The following BORCS8 variants were observed in gnomAD, a reference collection of about 807,000 sequenced individuals.
BORCS8 encodes the protein BLOC-1-related complex subunit 8.
BORCS8 carries 13 observed loss-of-function variants against 18.7 expected under a neutral mutation model. The observed-to-expected ratio is 0.70, with a 90% confidence interval of 0.45 to 1.11. BORCS8 has a LOEUF of 1.11. Ranked by LOEUF, BORCS8 falls within the 50% of genes least tolerant of loss-of-function variation. The probability of loss-of-function intolerance (pLI) is 0.00; values close to 1 mark genes in which losing one functional copy is unlikely to be tolerated. For synonymous variants in BORCS8, 68 were observed against 64.8 expected (o/e 1.05, Z -0.24); for missense variants, 165 against 165.7 (o/e 1.00, Z 0.02).
rs544868143 is a variant in BORCS8 at position 19,185,350 on chromosome 19, G to A, written c.215+684C>T. On this transcript the variant is annotated intron_variant, in intron 3 of 5. Transcript: ENST00000462790. ...GAATAAGGCTTGGGAATACAGTCAC[G>A]AGGAATGGAACCAAAGCACAGGAGG... Among the ~76,000 whole-genome samples, 6 of 152,282 alleles carry A rather than the reference G, an allele frequency of 3.9e-5. No homozygotes were observed. The South Asian group carries it at 8.3e-4, about 21-fold the overall frequency.
rs1230212162 is a variant in BORCS8 at position 19,186,047 on chromosome 19, CCA to C, written c.200_201del (p.Val67GlyfsTer76). 21 of 1,551,032 alleles carry C rather than the reference CCA, an allele frequency of 1.4e-5. No homozygotes were observed. Among genetic ancestry groups the C allele is most frequent in the Non-Finnish European group, 1.7e-5 (20 of 1,146,982 alleles). ...EEQSQGAIYT[V>X]EYACSAVKNL... ...TGTGGCGCTCACCTGCAGGCGTACT[CCA>C]CAGTGTAGATGGCTCCCTGGCTCTG... On this transcript the variant is annotated frameshift_variant, in exon 3 of 6. Transcript: ENST00000462790. LOFTEE classifies it high-confidence loss of function.
Position 19,177,703 on chromosome 19 carries a change from GAAAAGAAAAGAAAA to G in BORCS8, c.*43-257_*43-244del, listed in dbSNP as rs2060311819. 3 of 62,312 alleles carry G rather than the reference GAAAAGAAAAGAAAA, an allele frequency of 4.8e-5. No individual in the cohort carries two copies. The Admixed American group carries it at 6.2e-4, about 13-fold the overall frequency. 3.9% of individuals were successfully genotyped at this position (62,312 alleles called of 1,614,324 possible). A position where few individuals can be genotyped will look rare whatever the true frequency, so the allele number is the denominator to read the frequency against. On this transcript the variant is annotated intron_variant, in intron 5 of 5. Transcript: ENST00000462790. ...AAGGAAGGAAGGAAGGAAGAGAAAA[GAAAAGAAAAGAAAA>G]GAAAAGAAAAGAAAAGAAAAGAAAA... is the stretch of plus-strand genomic sequence containing the variant.
intron 1 of BORCS8, among the ~76,000 whole-genome samples, chr19:19,187,290 T>A (rs12981160): frequency 0.49 from 74,896 of 151,686 alleles, 18,717 homozygotes; most frequent in East Asian, 0.57. Context: ...AGCCAGGCCA[T>A]CATGGTAAAA....
chr19:19,181,654 CAA>C (rs1476668422), intron 4 of BORCS8, among the ~76,000 whole-genome samples: 1 of 152,332 alleles, frequency 6.6e-6, no homozygotes, highest in South Asian at 2.1e-4. Context: ...TCTTCAGATG[CAA>C]GAGAGCCCAG....
Position 19,182,644 on chromosome 19 carries a change from G to A in BORCS8, c.255C>T (p.Arg85=). 6.4e-7 allele frequency: 1 copy of A among 1,551,292 alleles called. No homozygotes were observed. The highest frequency in any genetic ancestry group is 8.7e-7 in the Non-Finnish European group (1 of 1,146,934). The change falls in exon 4 of 6, where the codon CGC becomes CGT. Residue 85 remains arginine, a synonymous_variant. Transcript: ENST00000462790. The surrounding 1 kb of genome is among the most constrained non-coding windows in gnomAD (Gnocchi z 4.1). ...CCTGTTTGAGCAGACCCTCCACGCT[G>A]CGGAAGTAGACGCTGCTGTCCACCA... is the stretch of plus-strand genomic sequence containing the variant. The part of the protein sequence containing the change: ...KNLVDSSVYF[R]SVEGLLKQAI...
In BORCS8 at chr19:19,182,278, T is replaced by C; in HGVS notation, c.326+295A>G. 3.3e-6 allele frequency: 2 copies of C among 600,482 alleles called. No homozygotes were observed. Among genetic ancestry groups the C allele is most frequent in the Non-Finnish European group, 4.7e-6 (2 of 425,892 alleles). 37.2% of individuals were successfully genotyped at this position (600,482 alleles called of 1,614,324 possible). Reference sequence around the variant, plus strand: ...CTTCACAGCGCATCTGACATGCTCTTGTCTGCCATGTTTACCTGGTTGTCG... The same window carrying C: ...CTTCACAGCGCATCTGACATGCTCTCGTCTGCCATGTTTACCTGGTTGTCG... On this transcript the variant is annotated intron_variant, in intron 4 of 5. Transcript: ENST00000462790. The surrounding 1 kb of genome is among the most constrained non-coding windows in gnomAD (Gnocchi z 4.1).
chr19:19,187,578 C>T (rs2060422787), intron 1 of BORCS8, among the ~76,000 whole-genome samples: 1 of 147,592 alleles, frequency 6.8e-6, no homozygotes. Flanking sequence ...CTTGCTCTGT[C>T]ATCAGGCTGG....
In BORCS8 at chr19:19,180,773, C is replaced by T. The variant is rs924086748; in HGVS notation, c.327-12G>A. 3.9e-6 allele frequency: 6 copies of T among 1,543,534 alleles called. No homozygotes were observed. The African/African-American group carries it at 4.1e-5, about 11-fold the overall frequency. On this transcript the variant is annotated splice_polypyrimidine_tract_variant and intron_variant, in intron 4 of 5. Transcript: ENST00000462790. ...GTGGTTCCTCCGGGCTGCAACAAAACATGTGCAGCATCCATGAGGCCAAGG... is the reference window on the plus strand; with the variant it reads ...GTGGTTCCTCCGGGCTGCAACAAAATATGTGCAGCATCCATGAGGCCAAGG...
intron 5 of BORCS8, chr19:19,177,698 GAAAAGAAAAGAA>G (rs1568562068): frequency 0.06 from 2,366 of 39,214 alleles, 97 homozygotes; most frequent in Middle Eastern, 0.097. Context: ...GGAAGGAAGA[GAAAAGAAAAGAA>G]AAGAAAAGAA....
At chr19:19,189,432 C>T (rs994161256) in intron 1 of BORCS8, among the ~76,000 whole-genome samples, 11 of 152,290 alleles carry the variant, frequency 7.2e-5, no homozygotes, top group African/African-American at 2.2e-4. Context: ...CATCTATTCC[C>T]ACCCTTGCTT....
intron 1 of BORCS8, among the ~76,000 whole-genome samples, chr19:19,191,489 C>T (rs1310383153): frequency 7.5e-6 from 1 of 132,806 alleles, no homozygotes; most frequent in South Asian, 2.5e-4. Context: ...GATACCTTGT[C>T]TCAAAAAAAA....
chr19:19,189,725 G>A (rs569451549), intron 1 of BORCS8, among the ~76,000 whole-genome samples: 1 of 152,264 alleles, frequency 6.6e-6, no homozygotes, highest in South Asian at 2.1e-4. Flanking sequence ...AGACCAGCCT[G>A]GGAGACATGG....
At chr19:19,187,056 C>T in intron 1 of BORCS8, 51 bp from the exon 2 acceptor site, 1 of 1,395,028 alleles carries the variant, frequency 7.2e-7, no homozygotes, top group African/African-American at 1.4e-5. Context: ...AAAGCGTCAG[C>T]CTCCTCATTG....
At position 19,183,396 on chromosome 19, in the gene BORCS8, C is replaced by T. The variant is rs1465326260; in HGVS notation, c.216-713G>A. Reference sequence around the variant, plus strand: ...CTGCACTCCAGCCTGGGCGACAGAGCGAGACTCCGTCTCAAAAAAAAAAAA... The same window carrying T: ...CTGCACTCCAGCCTGGGCGACAGAGTGAGACTCCGTCTCAAAAAAAAAAAA... On this transcript the variant is annotated intron_variant, in intron 3 of 5. Coordinates refer to ENST00000462790, the MANE Select transcript of BORCS8 (RefSeq NM_001145784.2). Among the ~76,000 whole-genome samples the T allele has an allele frequency of 5.5e-5, 8 of 144,970 alleles. No individual in the cohort carries two copies. The East Asian group carries it at 8.6e-4, about 16-fold the overall frequency.
At chr19:19,177,758 G>GAAAAGAA (rs1332814903) in intron 5 of BORCS8, 4 of 174,738 alleles carry the variant, frequency 2.3e-5, no homozygotes, top group African/African-American at 9.7e-5. Context: ...GAAAAGAAAG[G>GAAAAGAA]AAGAAAGAAA....
intron 1 of BORCS8, among the ~76,000 whole-genome samples, chr19:19,188,179 G>A (rs969537544): frequency 4.0e-5 from 6 of 151,792 alleles, no homozygotes; most frequent in Non-Finnish European, 8.8e-5. Flanking sequence ...ACAGGCACCC[G>A]CCACCACGCC....
chr19:19,180,520 T>C (rs1468542836), intron 5 of BORCS8, 166 bp downstream of exon 5: 2 of 636,980 alleles, frequency 3.1e-6, no homozygotes, highest in Non-Finnish European at 5.7e-6. Context: ...GGGTGGAACA[T>C]TCTGGACCTG....
At chr19:19,192,057 G>C in intron 1 of BORCS8, 24 bp downstream of exon 1, 3 of 1,551,322 alleles carry the variant, frequency 1.9e-6, no homozygotes, top group Non-Finnish European at 2.6e-6. Context: ...GGCCCCCTCT[G>C]TCCCGCCCGC....
chr19:19,184,007 C>G (rs1348840983), intron 3 of BORCS8, among the ~76,000 whole-genome samples: 1 of 151,666 alleles, frequency 6.6e-6, no homozygotes, highest in Non-Finnish European at 1.5e-5. Context: ...CTCCGCCTCC[C>G]AAGTAGCTGG....
Sources: allele counts gnomAD v4.1 joint callset (sites outside exome capture counted in the v4.1 genomes callset), GRCh38; gene constraint gnomAD v4.1.1; non-coding constraint Gnocchi (gnomAD v3.1); transcripts MANE v1.5; gene names NCBI Gene and HGNC (gene_info 2026-07-23, HGNC 2026-07-21).